ANAPC10: variants seen among roughly 807,000 people sequenced by gnomAD.
The protein encoded by ANAPC10 is anaphase-promoting complex subunit 10.
In ANAPC10, 12 loss-of-function variants were observed where a neutral mutation model predicts 22.0. The observed-to-expected ratio is 0.55, with a 90% CI of 0.35 to 0.88. ANAPC10 has a LOEUF of 0.88. Among genes scored for constraint, ANAPC10 ranks in the 40% least tolerant of loss-of-function variants. ANAPC10 has a pLI of 0.01. For missense variants in ANAPC10, 188 were observed against 220.9 expected (o/e 0.85, Z 0.94); for synonymous variants, 65 against 69.5 (o/e 0.94, Z 0.32).
chr4:145,053,982 C>T (rs1026681621), intron 4 of ANAPC10, among the ~76,000 whole-genome samples: 7 of 151,640 alleles, frequency 4.6e-5, no homozygotes, highest in Non-Finnish European at 1.0e-4. Context: ...AATCTCAGCT[C>T]GCTGCAACCT....
At chr4:145,065,014 C>T (rs955843664) in intron 3 of ANAPC10, among the ~76,000 whole-genome samples, 1 of 151,906 alleles carries the variant, frequency 6.6e-6, no homozygotes, top group African/African-American at 2.4e-5. Context: ...CCATCCTCTT[C>T]ATTTGTATTT....
intron 4 of ANAPC10, among the ~76,000 whole-genome samples, chr4:145,056,000 A>G (rs2126384068): frequency 6.6e-6 from 1 of 152,306 alleles, no homozygotes; most frequent in Admixed American, 6.5e-5. Flanking sequence ...AGCAAACTAC[A>G]CAAGCATGGG....
At chr4:145,092,469 T>A (rs1747820577) in intron 2 of ANAPC10, among the ~76,000 whole-genome samples, 1 of 152,102 alleles carries the variant, frequency 6.6e-6, no homozygotes, top group Non-Finnish European at 1.5e-5. Context: ...GTCCCAACTG[T>A]AGTAGAGCAT....
chr4:145,025,919 C>A (rs568838742), intron 4 of ANAPC10, among the ~76,000 whole-genome samples: 1 of 152,248 alleles, frequency 6.6e-6, no homozygotes, highest in South Asian at 2.1e-4. Flanking sequence ...GGTTTCCTTT[C>A]CCACTCTTAT....
At chr4:145,003,612 G>A (rs1240336173) in intron 4 of ANAPC10, among the ~76,000 whole-genome samples, 1 of 152,116 alleles carries the variant, frequency 6.6e-6, no homozygotes, top group African/African-American at 2.4e-5. Flanking sequence ...TTCCCCCATT[G>A]CTTGTTTTTG....
At chr4:145,050,735 A>C (rs1467458979) in intron 4 of ANAPC10, among the ~76,000 whole-genome samples, 1 of 152,054 alleles carries the variant, frequency 6.6e-6, no homozygotes, top group Non-Finnish European at 1.5e-5. Context: ...TCATGAACCA[A>C]CCTCGGCTAG....
chr4:145,033,790 C>T (rs1006182864), intron 4 of ANAPC10, among the ~76,000 whole-genome samples: 2 of 152,198 alleles, frequency 1.3e-5, no homozygotes, highest in African/African-American at 4.8e-5. Flanking sequence ...TCAATACCAG[C>T]TACAATCTTG....
Position 144,995,623 on chromosome 4 carries a change from C to A in ANAPC10, c.328-20G>T. On this transcript the variant is annotated intron_variant, in intron 4 of 4. Coordinates refer to ENST00000507656, the MANE Select transcript of ANAPC10 (RefSeq NM_001256706.2). ...AAGTTGCTGCCAAGGGAAAAAAAATCAGATTATGCTTTTATTCAACAAATA... is the reference window on the plus strand; with the variant it reads ...AAGTTGCTGCCAAGGGAAAAAAAATAAGATTATGCTTTTATTCAACAAATA... 2 of 1,507,556 alleles carry A rather than the reference C, an allele frequency of 1.3e-6. No individual in the cohort carries two copies. Among genetic ancestry groups the A allele is most frequent in the South Asian group, 1.2e-5 (1 of 85,110 alleles). 93.4% of individuals were successfully genotyped at this position (1,507,556 alleles called of 1,614,324 possible).
chr4:145,052,044 A>G (rs1262307311), intron 4 of ANAPC10, among the ~76,000 whole-genome samples: 1 of 152,206 alleles, frequency 6.6e-6, no homozygotes, highest in Non-Finnish European at 1.5e-5. Context: ...TCTCATTTAT[A>G]CACGGAATCT....
chr4:145,058,322 G>A (rs72952189), intron 4 of ANAPC10, among the ~76,000 whole-genome samples: 1 of 152,122 alleles, frequency 6.6e-6, no homozygotes, highest in African/African-American at 2.4e-5. Flanking sequence ...ACTTGATTTT[G>A]CACCTGAATA....
chr4:145,054,020 T>C (rs1741527373), intron 4 of ANAPC10, among the ~76,000 whole-genome samples: 1 of 151,782 alleles, frequency 6.6e-6, no homozygotes, highest in Non-Finnish European at 1.5e-5. Context: ...GCGATTCTCC[T>C]GCCTCAGCCT....
intron 3 of ANAPC10, among the ~76,000 whole-genome samples, chr4:145,079,138 G>A (rs1745596611): frequency 6.6e-6 from 1 of 152,106 alleles, no homozygotes; most frequent in South Asian, 2.1e-4. Context: ...CTATGCATCT[G>A]ACAAAGGTCT....
At chr4:145,072,899 T>C (rs1037423510) in intron 3 of ANAPC10, among the ~76,000 whole-genome samples, 1 of 138,020 alleles carries the variant, frequency 7.2e-6, no homozygotes, top group Non-Finnish European at 1.6e-5. Context: ...TACGTATCTG[T>C]TTTTTTTTTT....
At chr4:145,058,512 A>C (rs1018461661) in intron 4 of ANAPC10, among the ~76,000 whole-genome samples, 1 of 152,180 alleles carries the variant, frequency 6.6e-6, no homozygotes, top group Non-Finnish European at 1.5e-5. Context: ...TGAAGTGCTC[A>C]AAGGCAGAAA....
chr4:145,047,263 T>C (rs1740444356), intron 4 of ANAPC10, among the ~76,000 whole-genome samples: 1 of 152,128 alleles, frequency 6.6e-6, no homozygotes, highest in African/African-American at 2.4e-5. Flanking sequence ...GTTCCTTTAT[T>C]TGGCTTAGGT....
chr4:145,056,797 T>A (rs1742134438), intron 4 of ANAPC10, among the ~76,000 whole-genome samples: 1 of 152,208 alleles, frequency 6.6e-6, no homozygotes, highest in Non-Finnish European at 1.5e-5. Flanking sequence ...GTTTTCCTTA[T>A]AAGAGGGATT....
intron 4 of ANAPC10, among the ~76,000 whole-genome samples, chr4:144,996,936 C>T (rs748147744): frequency 6.6e-6 from 1 of 152,002 alleles, no homozygotes; most frequent in Non-Finnish European, 1.5e-5. Context: ...AACTATGTGA[C>T]GCATGCACAA....
intron 4 of ANAPC10, among the ~76,000 whole-genome samples, chr4:145,037,000 G>GTC (rs1176547512): frequency 2.2e-5 from 1 of 46,332 alleles, no homozygotes; most frequent in African/African-American, 6.4e-5. Context: ...GATAACGTGT[G>GTC]TGTGTGTGTG....
intron 4 of ANAPC10, among the ~76,000 whole-genome samples, chr4:145,045,068 G>A (rs1301374328): frequency 1.3e-5 from 2 of 151,806 alleles, no homozygotes; most frequent in Non-Finnish European, 2.9e-5. Context: ...CCAAGATGCA[G>A]AAAGCACTAA....
Sources: allele counts gnomAD v4.1 joint callset (sites outside exome capture counted in the v4.1 genomes callset), GRCh38; gene constraint gnomAD v4.1.1; transcripts MANE v1.5; gene names NCBI Gene and HGNC (gene_info 2026-07-23, HGNC 2026-07-21).